The following CAPN9 variants were observed in gnomAD, a reference collection of about 807,000 sequenced individuals.
The protein encoded by CAPN9 is calpain 9, also known as calpain-9.
Under a neutral mutation model 92.8 loss-of-function variants are expected in CAPN9, and 81 were observed. The ratio of observed to expected loss-of-function variants is 0.87; its 90% CI spans 0.73 to 1.05. The LOEUF (loss-of-function observed/expected upper bound fraction) is 1.05, where lower values mean the gene tolerates loss of function less well. CAPN9 is among the 50% of genes least tolerant of loss of function. CAPN9 has a pLI of 0.00. For synonymous variants in CAPN9, 304 were observed against 328.0 expected (o/e 0.93, Z 0.79); for missense variants, 848 against 866.2 (o/e 0.98, Z 0.26).
chr1:230,763,236 C>T (rs1359269102), intron 4 of CAPN9, among the ~76,000 whole-genome samples: 2 of 152,106 alleles, frequency 1.3e-5, no homozygotes, highest in South Asian at 2.1e-4. Context: ...GATAAATAAT[C>T]GTATATGATA....
In CAPN9 at chr1:230,754,745, G is replaced by T. The variant is rs1665115670; in HGVS notation, c.214-592G>T. Among the ~76,000 whole-genome samples the T allele has an allele frequency of 2.0e-5, 3 of 152,254 alleles. No individual in the cohort carries two copies. The South Asian group carries it at 6.2e-4, about 32-fold the overall frequency. On this transcript the variant is annotated intron_variant, in intron 1 of 19. Coordinates refer to ENST00000271971, the MANE Select transcript of CAPN9 (RefSeq NM_006615.3). ...TGGAAGGATTGCTTGAGCCCAGAAG[G>T]TCAAGGCTGTAGTGAGCTATGATCA...
At chr1:230,780,814 A>G in intron 11 of CAPN9, 106 bp downstream of exon 11, 2 of 818,932 alleles carry the variant, frequency 2.4e-6, no homozygotes, top group Admixed American at 2.0e-5. Context: ...TCCCTTTCCC[A>G]TGTGTACCTG....
At chr1:230,766,322 A>C (rs1162841423) in intron 4 of CAPN9, among the ~76,000 whole-genome samples, 1 of 152,226 alleles carries the variant, frequency 6.6e-6, no homozygotes, top group East Asian at 1.9e-4. Flanking sequence ...ATAGTGCATA[A>C]TAGTATACAT....
At chr1:230,787,428 C>A in intron 12 of CAPN9, 94 bp from the exon 13 acceptor site, 3 of 1,004,392 alleles carry the variant, frequency 3.0e-6, no homozygotes, top group Non-Finnish European at 4.6e-6. Flanking sequence ...TGACATGGGG[C>A]TGGGCACACA....
In CAPN9 at chr1:230,798,140, T is replaced by C. The variant is rs781652707; in HGVS notation, c.1988-22T>C. ...AAGGAATTGTCTTTAAAAGGATGCC[T>C]TTCCCCCTTCTCTCCTATCAGGGGT... On this transcript the variant is annotated intron_variant, in intron 18 of 19. Coordinates refer to ENST00000271971, the MANE Select transcript of CAPN9 (RefSeq NM_006615.3). 3.2e-6 allele frequency: 5 copies of C among 1,566,664 alleles called. No individual in the cohort carries two copies. In the Admixed American group the frequency reaches 8.4e-5, roughly 26 times the overall value.
chr1:230,801,142 A>AC (rs1422418879), intron 19 of CAPN9, among the ~76,000 whole-genome samples: 6 of 151,466 alleles, frequency 4.0e-5, no homozygotes, highest in Non-Finnish European at 5.9e-5. Flanking sequence ...CACTTGTAAC[A>AC]CCCCCCAGCT....
At chr1:230,780,117 TG>T in intron 9 of CAPN9, 61 bp from the exon 10 acceptor site, 9 of 894,038 alleles carry the variant, frequency 1.0e-5, no homozygotes, top group South Asian at 1.5e-5. Context: ...TGTGTGTGTG[TG>T]TGTGGTCTTT....
At chr1:230,798,828 A>G (rs1179158651) in intron 19 of CAPN9, among the ~76,000 whole-genome samples, 1 of 152,144 alleles carries the variant, frequency 6.6e-6, no homozygotes, top group African/African-American at 2.4e-5. Flanking sequence ...CACTTAGGAG[A>G]GAGCGTTGGA....
chr1:230,768,075 T>A (rs1181707513), intron 5 of CAPN9, among the ~76,000 whole-genome samples: 8 of 149,088 alleles, frequency 5.4e-5, no homozygotes, highest in East Asian at 1.9e-4. Context: ...TAAAATAAAA[T>A]AAAAATAAAT....
At chr1:230,801,453 A>G in intron 19 of CAPN9, 117 bp from the exon 20 acceptor site, 1 of 965,276 alleles carries the variant, frequency 1.0e-6, no homozygotes, top group Non-Finnish European at 1.7e-6. Flanking sequence ...GTTGGCAGGC[A>G]AAATGATCAA....
At chr1:230,793,601 C>T (rs1269872798) in intron 17 of CAPN9, among the ~76,000 whole-genome samples, 4 of 152,196 alleles carry the variant, frequency 2.6e-5, no homozygotes, top group Admixed American at 6.5e-5. Flanking sequence ...GGGCTGCCTG[C>T]GCTTCTCACC....
chr1:230,792,568 C>A, intron 16 of CAPN9, 74 bp downstream of exon 16: 2 of 1,149,480 alleles, frequency 1.7e-6, no homozygotes, highest in Non-Finnish European at 2.6e-6. Flanking sequence ...TAAAATGGTG[C>A]AGCAGGCTGC....
intron 19 of CAPN9, 54 bp from the exon 20 acceptor site, chr1:230,801,516 C>T (rs1572108013): frequency 6.3e-7 from 1 of 1,584,738 alleles, no homozygotes; most frequent in Non-Finnish European, 8.7e-7. Flanking sequence ...GAGGCTGAGG[C>T]TGGAAGGGAC....
At chr1:230,751,311 C>T (rs1371865945) in intron 1 of CAPN9, among the ~76,000 whole-genome samples, 2 of 152,052 alleles carry the variant, frequency 1.3e-5, no homozygotes, top group African/African-American at 4.8e-5. Flanking sequence ...TGACAGGGAT[C>T]GGCACATAGC....
chr1:230,767,624 TC>T lies in CAPN9; in HGVS notation c.622del (p.Gln208LysfsTer13). On this transcript the variant is annotated frameshift_variant, in exon 5 of 20. Transcript: ENST00000271971. LOFTEE classifies it high-confidence loss of function. ...EDFTGGVAET[F>X]QTKEAPENFY... Reference sequence around the variant, plus strand: ...TTCACTGGGGGTGTGGCAGAGACCTTCCAAACTAAAGAGGCCCCCGAGAACT... The same window carrying T: ...TTCACTGGGGGTGTGGCAGAGACCTTCAAACTAAAGAGGCCCCCGAGAACT... 6.2e-7 allele frequency: 1 copy of T among 1,613,906 alleles called. No homozygotes were observed. The highest frequency in any genetic ancestry group is 1.1e-5 in the South Asian group (1 of 91,042).
chr1:230,790,176 T>C lies in CAPN9; in HGVS notation c.1644T>C (p.Ala548=), dbSNP rs565264490. 164 of 1,614,154 alleles carry C rather than the reference T, an allele frequency of 1.0e-4. 1 individual carries two copies. The South Asian group carries it at 1.6e-3, about 16-fold the overall frequency. ...TAEELEYVLN[A]VLQKKKDIKF... is the part of the protein sequence containing the mutation. The stretch of plus-strand genomic sequence containing the variant: ...AGGAACTTGAGTATGTTTTAAATGC[T>C]GTGCTGCAAAAGAGTAAGTGCCAAC... The change falls in exon 14 of 20, where the codon GCT becomes GCC. Residue 548 remains alanine (A), a synonymous_variant. Transcript: ENST00000271971.
At chr1:230,793,110 C>G (rs1392788392) in intron 17 of CAPN9, among the ~76,000 whole-genome samples, 182 bp downstream of exon 17, 1 of 152,224 alleles carries the variant, frequency 6.6e-6, no homozygotes, top group East Asian at 1.9e-4. Context: ...GGACTCACTT[C>G]CTGACACCAG....
intron 1 of CAPN9, among the ~76,000 whole-genome samples, chr1:230,748,518 T>C (rs7546351): frequency 0.73 from 111,049 of 152,048 alleles, 40,968 homozygotes; most frequent in African/African-American, 0.8. Context: ...CCTGAGTGCC[T>C]GTCTTATCCT....
At chr1:230,773,176 C>A (rs977715179) in intron 7 of CAPN9, among the ~76,000 whole-genome samples, 5 of 152,198 alleles carry the variant, frequency 3.3e-5, no homozygotes, top group Admixed American at 3.3e-4. Context: ...GCAGGGCACA[C>A]AGGCCTGTGC....
Sources: allele counts gnomAD v4.1 joint callset (sites outside exome capture counted in the v4.1 genomes callset), GRCh38; gene constraint gnomAD v4.1.1; transcripts MANE v1.5; gene names NCBI Gene and HGNC (gene_info 2026-07-23, HGNC 2026-07-21).